CAMKMT: variants seen among roughly 807,000 people sequenced by gnomAD.
The protein encoded by CAMKMT is CaM KMT.
Under a neutral mutation model 48.0 loss-of-function variants are expected in CAMKMT, and 53 were observed. That is an observed-to-expected ratio of 1.10 (90% CI 0.89 to 1.39). The LOEUF is 1.39. CAMKMT is among the 40% of genes most tolerant of loss of function. CAMKMT has a pLI of 0.00. For missense variants in CAMKMT, 428 were observed against 402.7 expected (o/e 1.06, Z -0.54); for synonymous variants, 165 against 152.3 (o/e 1.08, Z -0.61).
chr2:44,392,022 G>T (rs6754726), intron 3 of CAMKMT: 1 of 152,322 alleles, frequency 6.6e-6, no homozygotes, highest in Admixed American at 6.6e-5. Context: ...AAGAAAGTAC[G>T]TACATACTGC....
chr2:44,455,758 A>C (rs1572911678), intron 3 of CAMKMT, among the ~76,000 whole-genome samples: 1 of 151,448 alleles, frequency 6.6e-6, no homozygotes, highest in Non-Finnish European at 1.5e-5. Context: ...TTAAACATTT[A>C]AAATTCTTAA....
chr2:44,576,232 GCAGGAGAATTGCTTGAACC>G (rs1168593650), intron 3 of CAMKMT, among the ~76,000 whole-genome samples: 1 of 151,820 alleles, frequency 6.6e-6, no homozygotes, highest in Non-Finnish European at 1.5e-5. Context: ...GGAGGCTGAG[GCAGGAGAATTGCTTGAACC>G]CAGGAAGCAG....
At position 44,653,107 on chromosome 2, in the gene CAMKMT, G is replaced by A. The variant is rs1674182320; in HGVS notation, c.377-51176G>A. Among the ~76,000 whole-genome samples, 1 of 152,186 alleles carries A rather than the reference G, an allele frequency of 6.6e-6. No homozygotes were observed. Among genetic ancestry groups the A allele is most frequent in the South Asian group, 2.1e-4 (1 of 4,810 alleles). On this transcript the variant is annotated intron_variant, in intron 3 of 10. Transcript: ENST00000378494. The surrounding 1 kb of genome is among the most constrained non-coding windows in gnomAD (Gnocchi z 5.2). The stretch of plus-strand genomic sequence containing the variant: ...TTCTGATTCCTCCCAGGACACATTG[G>A]CTAGTTTCTAACGTACAGTCTTGTG...
chr2:44,683,965 A>T (rs370479732), intron 3 of CAMKMT, among the ~76,000 whole-genome samples: 3 of 152,174 alleles, frequency 2.0e-5, no homozygotes, highest in African/African-American at 7.2e-5. Context: ...ATGAATGTAG[A>T]CTTCCACCAT....
rs114452814 is a variant in CAMKMT at position 44,451,643 on chromosome 2, T to C, written c.376+61338T>C. On this transcript the variant is annotated intron_variant, in intron 3 of 10. Transcript: ENST00000378494. Reference sequence around the variant, plus strand: ...CAGTTCTTTATTCAGTAAAGAGTTATCCTCTTTTTGCTATTCTTTATTTCA... The same window carrying C: ...CAGTTCTTTATTCAGTAAAGAGTTACCCTCTTTTTGCTATTCTTTATTTCA... 2.2e-3 allele frequency among the ~76,000 whole-genome samples: 332 copies of C among 152,126 alleles called. No homozygotes were observed. The Middle Eastern group carries it at 0.027, about 12-fold the overall frequency.
chr2:44,751,489 G>A (rs935270686), intron 8 of CAMKMT, among the ~76,000 whole-genome samples: 2 of 152,144 alleles, frequency 1.3e-5, no homozygotes, highest in Non-Finnish European at 2.9e-5. Flanking sequence ...CTACCTCATA[G>A]GATTGATGTG....
chr2:44,604,001 T>C (rs1671145908), intron 3 of CAMKMT, among the ~76,000 whole-genome samples: 1 of 152,210 alleles, frequency 6.6e-6, no homozygotes, highest in Non-Finnish European at 1.5e-5. Flanking sequence ...GCTTACCTCT[T>C]TCTCCTCTTC....
rs138602585 is a variant in CAMKMT at position 44,526,129 on chromosome 2, T to TA, written c.376+135825dup. Among the ~76,000 whole-genome samples the TA allele has an allele frequency of 1.5e-3, 220 of 151,122 alleles. 1 individual carries two copies. The highest frequency in any genetic ancestry group is 5.1e-3 in the African/African-American group (210 of 41,172). ...TTGGAAATCATCATTCTCAGGAAAC[T>TA]ATCACAAGGACAAAAAACCTCTTTC... On this transcript the variant is annotated intron_variant, in intron 3 of 10. Transcript: ENST00000378494.
At chr2:44,708,828 G>A (rs1161485109) in intron 6 of CAMKMT, among the ~76,000 whole-genome samples, 1 of 152,036 alleles carries the variant, frequency 6.6e-6, no homozygotes, top group Non-Finnish European at 1.5e-5. Context: ...AGGGTGGGGG[G>A]AGCAGGATTA....
At chr2:44,745,197 C>T (rs1278805260) in intron 8 of CAMKMT, among the ~76,000 whole-genome samples, 2 of 152,110 alleles carry the variant, frequency 1.3e-5, no homozygotes, top group Non-Finnish European at 2.9e-5. Context: ...AAGGGTCACA[C>T]GTGGATGGGC....
chr2:44,454,479 G>T (rs1183043100), intron 3 of CAMKMT, among the ~76,000 whole-genome samples: 2 of 152,042 alleles, frequency 1.3e-5, no homozygotes, highest in African/African-American at 2.4e-5. Context: ...CCCTCTAAAT[G>T]CATTGCCAGA....
intron 3 of CAMKMT, among the ~76,000 whole-genome samples, chr2:44,538,141 G>C (rs187157837): frequency 6.6e-6 from 1 of 152,122 alleles, no homozygotes; most frequent in African/African-American, 2.4e-5. Flanking sequence ...AGACCGAGGC[G>C]GGTGGATCAC....
intron 3 of CAMKMT, among the ~76,000 whole-genome samples, chr2:44,492,462 T>C (rs1669555213): frequency 6.6e-6 from 1 of 152,098 alleles, no homozygotes; most frequent in Admixed American, 6.6e-5. Flanking sequence ...CAGGTAAGAA[T>C]AAAAAATGTA....
At chr2:44,639,816 A>G (rs1673351531) in intron 3 of CAMKMT, among the ~76,000 whole-genome samples, 2 of 152,198 alleles carry the variant, frequency 1.3e-5, no homozygotes, top group African/African-American at 2.4e-5. Flanking sequence ...TGGAAATACA[A>G]GCTAATTTTA....
At chr2:44,453,053 G>C (rs1667375940) in intron 3 of CAMKMT, among the ~76,000 whole-genome samples, 2 of 152,030 alleles carry the variant, frequency 1.3e-5, no homozygotes, top group African/African-American at 4.8e-5. Flanking sequence ...TATGCTGCAG[G>C]AGTGATGCTT....
At chr2:44,376,616 A>T (rs1270926788) in intron 2 of CAMKMT, among the ~76,000 whole-genome samples, 1 of 152,108 alleles carries the variant, frequency 6.6e-6, no homozygotes, top group Non-Finnish European at 1.5e-5. Context: ...TTTGCTACCC[A>T]TTCATTTCTG....
chr2:44,643,441 A>C (rs1240674192), intron 3 of CAMKMT, among the ~76,000 whole-genome samples: 1 of 152,218 alleles, frequency 6.6e-6, no homozygotes, highest in African/African-American at 2.4e-5. Context: ...AGGTTGGAAA[A>C]GTGAGAGAGG....
At chr2:44,620,564 C>G (rs993031301) in intron 3 of CAMKMT, among the ~76,000 whole-genome samples, 5 of 152,206 alleles carry the variant, frequency 3.3e-5, no homozygotes, top group African/African-American at 1.2e-4. Flanking sequence ...CCCATTGAAA[C>G]AGGAACTATT....
intron 3 of CAMKMT, among the ~76,000 whole-genome samples, chr2:44,446,154 G>A (rs1030479723): frequency 6.6e-6 from 1 of 151,874 alleles, no homozygotes; most frequent in Non-Finnish European, 1.5e-5. Context: ...CAGCATGTTC[G>A]CCAGGCTGGT....
Sources: gnomAD v4.1 joint callset for allele counts (sites outside exome capture counted in the v4.1 genomes callset) on GRCh38, gnomAD v4.1.1 for gene constraint, Gnocchi (gnomAD v3.1) non-coding constraint, MANE v1.5 for transcripts, NCBI Gene and HGNC (gene_info 2026-07-23, HGNC 2026-07-21) for gene names.